Variants in CDH12 observed in about 807,000 individuals in gnomAD.
CDH12 encodes the protein cadherin-12.
In CDH12, 41 loss-of-function variants were observed where a neutral mutation model predicts 74.1. The ratio of observed to expected loss-of-function variants is 0.55; its 90% CI spans 0.43 to 0.72. CDH12 has a LOEUF of 0.72. Among genes scored for constraint, CDH12 ranks in the 30% least tolerant of loss-of-function variants. CDH12 has a pLI of 0.00. For synonymous variants in CDH12, 399 were observed against 355.0 expected, an observed-to-expected ratio of 1.12 and a Z score of -1.39; for missense variants, 945 against 977.2, an observed-to-expected ratio of 0.97 and a Z score of 0.44.
intron 12 of CDH12, among the ~76,000 whole-genome samples, chr5:21,761,742 TATAGATAGATAGATAG>T (rs5866522): frequency 2.0e-5 from 3 of 147,346 alleles, no homozygotes; most frequent in Non-Finnish European, 4.5e-5. Flanking sequence ...GATGGATAGA[TATAGATAGATAGATAG>T]ATAGATAGAT....
chr5:22,608,885 A>G, intron 1 of CDH12, among the ~76,000 whole-genome samples: 1 of 152,276 alleles, frequency 6.6e-6, no homozygotes, highest in East Asian at 1.9e-4. Flanking sequence ...CTGTGAGTCA[A>G]TTAAATCTCT....
chr5:22,811,146 T>C lies in CDH12; in HGVS notation c.-523+41912A>G, dbSNP rs187654426. On this transcript the variant is annotated intron_variant, in intron 1 of 14. Transcript: ENST00000382254. ...ATATATACACATATATGCTTCCAAATATACATATATATATACACACACACA... is the reference window on the plus strand; with the variant it reads ...ATATATACACATATATGCTTCCAAACATACATATATATATACACACACACA... 5.6e-4 allele frequency among the ~76,000 whole-genome samples: 84 copies of C among 151,078 alleles called. No homozygotes were observed. The East Asian group carries it at 0.014, about 26-fold the overall frequency.
chr5:21,773,246 T>C (rs1745416550), intron 11 of CDH12, among the ~76,000 whole-genome samples: 1 of 152,250 alleles, frequency 6.6e-6, no homozygotes, highest in East Asian at 1.9e-4. Context: ...CTTGATTGGA[T>C]TGAAGGATTC....
At chr5:22,357,796 C>A (rs938393581) in intron 3 of CDH12, among the ~76,000 whole-genome samples, 14 of 151,912 alleles carry the variant, frequency 9.2e-5, no homozygotes, top group African/African-American at 3.4e-4. Context: ...ACTTGCATTT[C>A]AATATGAGAC....
At chr5:22,049,765 C>T (rs188236146) in intron 5 of CDH12, among the ~76,000 whole-genome samples, 93 of 152,106 alleles carry the variant, frequency 6.1e-4, no homozygotes, top group African/African-American at 2.0e-3. Flanking sequence ...ATTTCTTTTT[C>T]GGTTCACCAA....
chr5:22,640,511 T>A (rs1739089906), intron 1 of CDH12, among the ~76,000 whole-genome samples: 1 of 152,186 alleles, frequency 6.6e-6, no homozygotes, highest in South Asian at 2.1e-4. Flanking sequence ...AATTATTTGA[T>A]CATGATATCT....
chr5:22,391,351 C>T (rs1742239808), intron 3 of CDH12, among the ~76,000 whole-genome samples: 1 of 152,142 alleles, frequency 6.6e-6, no homozygotes, highest in Non-Finnish European at 1.5e-5. Context: ...TTATTGTCAT[C>T]TGTTAGTAAT....
chr5:22,460,915 T>G (rs139519085), intron 2 of CDH12, among the ~76,000 whole-genome samples: 2,469 of 150,760 alleles, frequency 0.016, 31 homozygotes, highest in Non-Finnish European at 0.027. Flanking sequence ...GATATGGGGT[T>G]TCACCATGTT....
intron 4 of CDH12, among the ~76,000 whole-genome samples, chr5:22,210,475 C>T (rs910001721): frequency 6.7e-6 from 1 of 149,580 alleles, no homozygotes; most frequent in Non-Finnish European, 1.5e-5. Context: ...TAAGCAATTG[C>T]ATTTTTAATT....
At chr5:22,017,647 G>A (rs1301912338) in intron 5 of CDH12, among the ~76,000 whole-genome samples, 1 of 152,056 alleles carries the variant, frequency 6.6e-6, no homozygotes, top group African/African-American at 2.4e-5. Flanking sequence ...TGGGAGCCAA[G>A]AATGGCATGC....
intron 3 of CDH12, among the ~76,000 whole-genome samples, chr5:22,254,777 A>T (rs571129935): frequency 6.6e-6 from 1 of 151,950 alleles, no homozygotes; most frequent in Admixed American, 6.6e-5. Flanking sequence ...TAGGTGTATT[A>T]TATTTATGGG....
chr5:21,819,951 C>T (rs1279836777), intron 8 of CDH12, among the ~76,000 whole-genome samples: 6 of 152,046 alleles, frequency 3.9e-5, no homozygotes, highest in African/African-American at 1.4e-4. Flanking sequence ...GTTAGCTTTA[C>T]ATTTACATTT....
Position 22,336,156 on chromosome 5 carries a change from A to G in CDH12, c.-333+69101T>C, listed in dbSNP as rs567742013. Among the ~76,000 whole-genome samples the G allele has an allele frequency of 2.6e-3, 399 of 152,302 alleles. 2 individuals are homozygous for G. Among genetic ancestry groups the G allele is most frequent in the African/African-American group, 9.4e-3 (391 of 41,550 alleles). Reference sequence around the variant, plus strand: ...ATTTGTGAAACTTTGAACTTGAGAGAGATAATTTAGGATATCTGACTGATG... The same window carrying G: ...ATTTGTGAAACTTTGAACTTGAGAGGGATAATTTAGGATATCTGACTGATG... On this transcript the variant is annotated intron_variant, in intron 3 of 14. Transcript: ENST00000382254.
At chr5:22,581,050 T>C (rs1254560195) in intron 1 of CDH12, among the ~76,000 whole-genome samples, 1 of 152,070 alleles carries the variant, frequency 6.6e-6, no homozygotes, top group Non-Finnish European at 1.5e-5. Context: ...TACAATGCAA[T>C]AGAAAAAAAA....
intron 2 of CDH12, among the ~76,000 whole-genome samples, chr5:22,483,181 C>T (rs1267767686): frequency 6.6e-6 from 1 of 152,036 alleles, no homozygotes; most frequent in Non-Finnish European, 1.5e-5. Context: ...ACTTTTGAGA[C>T]TATGTCATGT....
intron 6 of CDH12, among the ~76,000 whole-genome samples, chr5:21,948,907 C>A (rs1447244219): frequency 6.6e-6 from 1 of 151,916 alleles, no homozygotes; most frequent in East Asian, 2.0e-4. Flanking sequence ...TTTCACAGCT[C>A]CTCCTACACA....
At chr5:22,678,203 TA>T (rs1246444662) in intron 1 of CDH12, among the ~76,000 whole-genome samples, 2 of 152,024 alleles carry the variant, frequency 1.3e-5, no homozygotes, top group Non-Finnish European at 2.9e-5. Context: ...ACATTTACTG[TA>T]AAAAAATATT....
At chr5:22,461,844 T>C (rs1745540032) in intron 2 of CDH12, among the ~76,000 whole-genome samples, 1 of 152,074 alleles carries the variant, frequency 6.6e-6, no homozygotes, top group Admixed American at 6.6e-5. Context: ...TAGAATTTAT[T>C]AAATGTTATA....
chr5:21,971,931 C>T (rs1231345031), intron 6 of CDH12, among the ~76,000 whole-genome samples: 2 of 152,112 alleles, frequency 1.3e-5, no homozygotes, highest in Admixed American at 1.3e-4. Flanking sequence ...CATAGATTCA[C>T]TGGAATTTTC....
Sources: allele counts gnomAD v4.1 joint callset (sites outside exome capture counted in the v4.1 genomes callset), GRCh38; gene constraint gnomAD v4.1.1; transcripts MANE v1.5; gene names NCBI Gene and HGNC (gene_info 2026-07-23, HGNC 2026-07-21).